The following PRR14L variants were observed in gnomAD, a reference collection of about 807,000 sequenced individuals.
PRR14L encodes the protein proline rich 14 like.
A neutral mutation model predicts 155.0 loss-of-function variants in PRR14L; 80 were observed. The ratio of observed to expected loss-of-function variants is 0.52; its 90% CI spans 0.43 to 0.62. The LOEUF is 0.62. PRR14L is among the 20% of genes least tolerant of loss of function. PRR14L has a pLI of 0.00. For missense variants in PRR14L, 2,469 were observed against 2,548.0 expected (o/e 0.97, Z 0.67); for synonymous variants, 883 against 916.0 (o/e 0.96, Z 0.65).
intron 1 of PRR14L, 121 bp from the exon 2 acceptor site, chr22:31,739,032 T>C (rs1259043638): frequency 5.6e-6 from 3 of 539,904 alleles, no homozygotes; most frequent in Non-Finnish European, 6.5e-6. Flanking sequence ...CAGCATTATC[T>C]GGCACCAAAA....
In PRR14L at chr22:31,714,870, T is replaced by C; in HGVS notation, c.2969A>G (p.Lys990Arg). 1.3e-6 allele frequency: 2 copies of C among 1,551,988 alleles called. No individual in the cohort carries two copies. Among genetic ancestry groups the C allele is most frequent in the Non-Finnish European group, 1.7e-6 (2 of 1,147,048 alleles). Residue 990 changes from lysine (K) to arginine (R), a missense_variant, in exon 4 of 9, where the codon AAG becomes AGG. Physicochemically the swap from Lys to Arg is conservative, Grantham distance 26. Transcript: ENST00000327423. Reference protein sequence around the residue: ...DECKSEGQSAKEMLSSDQRET... With the variant: ...DECKSEGQSAREMLSSDQRET... The stretch of plus-strand genomic sequence containing the variant: ...TCTCTGGTCACTACTTAGCATCTCC[T>C]TGGCTGACTGACCTTCACTTTTGCA...
chr22:31,714,511 C>G lies in PRR14L; in HGVS notation c.3328G>C (p.Gly1110Arg). The G allele has an allele frequency of 6.4e-7, 1 of 1,552,100 alleles. No individual in the cohort carries two copies. The highest frequency in any genetic ancestry group is 8.7e-7 in the Non-Finnish European group (1 of 1,147,090). Residue 1110 changes from glycine (G) to arginine (R), a missense_variant, in exon 4 of 9, where the codon GGT (glycine) becomes CGT (arginine). Coordinates refer to ENST00000327423, the MANE Select transcript of PRR14L (RefSeq NM_173566.3). Reference protein sequence around the residue: ...ELDAAHTGTTGQDSDFPVTAA... With the variant: ...ELDAAHTGTTRQDSDFPVTAA... ...GTAACTGGGAAATCTGAATCCTGAC[C>G]AGTTGTTCCTGTATGTGCAGCATCC... is the stretch of plus-strand genomic sequence containing the variant.
intron 7 of PRR14L, among the ~76,000 whole-genome samples, chr22:31,695,420 T>C (rs2074530810): frequency 6.6e-6 from 1 of 152,178 alleles, no homozygotes; most frequent in Non-Finnish European, 1.5e-5. Flanking sequence ...CAGTGATTAA[T>C]ATATGTTGGG....
intron 2 of PRR14L, among the ~76,000 whole-genome samples, chr22:31,733,625 C>T (rs5994426): frequency 1.1e-4 from 17 of 152,078 alleles, no homozygotes; most frequent in African/African-American, 3.9e-4. Flanking sequence ...TTAAAGTGTT[C>T]GGTGAACAGG....
intron 2 of PRR14L, 53 bp from the exon 3 acceptor site, chr22:31,725,663 T>C (rs1238242925): frequency 2.0e-6 from 2 of 1,005,624 alleles, no homozygotes; most frequent in East Asian, 2.6e-5. Flanking sequence ...TCTGAGTTAA[T>C]GAATATTATT....
chr22:31,747,389 G>A (rs1238417518), intron 1 of PRR14L, among the ~76,000 whole-genome samples: 1 of 144,134 alleles, frequency 6.9e-6, no homozygotes, highest in Non-Finnish European at 1.5e-5. Flanking sequence ...GCTGGGATTA[G>A]AGGCATGAGC....
At position 31,683,016 on chromosome 22, in the gene PRR14L, C is replaced by G. The variant is rs2074462611; in HGVS notation, c.*2511G>C. On this transcript the variant is annotated 3_prime_UTR_variant, in exon 9 of 9. Coordinates refer to ENST00000327423, the MANE Select transcript of PRR14L (RefSeq NM_173566.3). ...GTAATTTCAAGTTTGCAGTGGGGCC[C>G]CCTTCTCAACTTTGGAGCAGGGGAA... The G allele has an allele frequency of 1.3e-5, 2 of 152,172 alleles. No individual in the cohort carries two copies. 9.4% of individuals were successfully genotyped at this position (152,172 alleles called of 1,614,324 possible). A position where few individuals can be genotyped will look rare whatever the true frequency, so the allele number is the denominator to read the frequency against.
chr22:31,710,490 T>C (rs1168508803), intron 4 of PRR14L, among the ~76,000 whole-genome samples: 1 of 151,884 alleles, frequency 6.6e-6, no homozygotes, highest in African/African-American at 2.4e-5. Flanking sequence ...TCTCACTCTG[T>C]CGCCCAGGCT....
intron 2 of PRR14L, among the ~76,000 whole-genome samples, chr22:31,730,687 T>C (rs2074744550): frequency 6.6e-6 from 1 of 152,226 alleles, no homozygotes; most frequent in African/African-American, 2.4e-5. Context: ...TATGTAAATA[T>C]TTGTTTCCCA....
At chr22:31,732,122 C>A (rs1422246704) in intron 2 of PRR14L, among the ~76,000 whole-genome samples, 1 of 152,108 alleles carries the variant, frequency 6.6e-6, no homozygotes, top group Non-Finnish European at 1.5e-5. Flanking sequence ...CCCATGTGTA[C>A]TTGTGTATAG....
At chr22:31,690,289 T>A (rs1409497045) in intron 7 of PRR14L, among the ~76,000 whole-genome samples, 1 of 152,100 alleles carries the variant, frequency 6.6e-6, no homozygotes. Flanking sequence ...CCTCAGGTGA[T>A]CCACCCACCT....
chr22:31,695,104 C>T lies in PRR14L; in HGVS notation c.6107+6552G>A, dbSNP rs190220548. 1.2e-3 allele frequency among the ~76,000 whole-genome samples: 186 copies of T among 152,144 alleles called. 2 individuals carry two copies. The highest frequency in any genetic ancestry group is 0.01 in the Middle Eastern group (3 of 294). ...TCAAAACAAAACAAAACAAAAAAAC[C>T]TACAGTTATTTGTCAAGCAAATAAT... On this transcript the variant is annotated intron_variant, in intron 7 of 8. Coordinates refer to ENST00000327423, the MANE Select transcript of PRR14L (RefSeq NM_173566.3).
intron 2 of PRR14L, among the ~76,000 whole-genome samples, chr22:31,735,752 T>C (rs952701381): frequency 2.0e-5 from 3 of 151,732 alleles, no homozygotes; most frequent in African/African-American, 7.3e-5. Flanking sequence ...ACTGTATTTT[T>C]AAAAGATAGG....
At chr22:31,749,243 T>C (rs1253362683) in intron 1 of PRR14L, among the ~76,000 whole-genome samples, 1 of 152,096 alleles carries the variant, frequency 6.6e-6, no homozygotes, top group Non-Finnish European at 1.5e-5. Context: ...GACCCAGGTT[T>C]GCAACGATTA....
chr22:31,718,839 C>T (rs1351886123), intron 3 of PRR14L, among the ~76,000 whole-genome samples: 4 of 151,258 alleles, frequency 2.6e-5, no homozygotes, highest in Non-Finnish European at 5.9e-5. Flanking sequence ...TTTGGGAGGC[C>T]GAGGTGGATG....
At chr22:31,737,688 C>A (rs2074789796) in intron 2 of PRR14L, among the ~76,000 whole-genome samples, 1 of 151,656 alleles carries the variant, frequency 6.6e-6, no homozygotes, top group South Asian at 2.1e-4. Flanking sequence ...CACTATTAGT[C>A]TCAACTAACC....
intron 7 of PRR14L, among the ~76,000 whole-genome samples, chr22:31,695,329 T>C (rs956148830): frequency 2.6e-5 from 4 of 152,104 alleles, no homozygotes; most frequent in Admixed American, 6.6e-5. Context: ...TCACAAGGTG[T>C]TGGAGGAACA....
chr22:31,713,504 AT>A lies in PRR14L; in HGVS notation c.4334del (p.Asn1445MetfsTer5). ...KADKDESTMI[N>X]EITLAKLAKD... ...TGGCCAGCTTTGCTAGGGTGATTTC[AT>A]TGATCATGGTGGACTCATCTTTGTC... On this transcript the variant is annotated frameshift_variant, in exon 4 of 9. Transcript: ENST00000327423. LOFTEE classifies it high-confidence loss of function. 6.4e-7 allele frequency: 1 copy of A among 1,552,028 alleles called. No individual in the cohort carries two copies. Among genetic ancestry groups the A allele is most frequent in the Non-Finnish European group, 8.7e-7 (1 of 1,147,062 alleles).
rs2074631536 is a variant in PRR14L at position 31,712,864 on chromosome 22, G to A, written c.4975C>T (p.Leu1659Phe). Residue 1659 changes from leucine to phenylalanine, a missense_variant, in exon 4 of 9, where the codon CTC becomes TTC. By Grantham distance (22) the Leu-to-Phe change is conservative. Around this residue, in one of 2 missense-constraint regions of PRR14L, gnomAD observed 2,363 missense variants for 2,371.6 expected, o/e 1.00. Transcript: ENST00000327423. ...KSYKRLRYKR[L>F]LDGFSSSTEQ... ...GTGCTGGATGAAAATCCGTCCAGGA[G>A]TCTTTTATATCTGAGGCGCTTGTAG... is the stretch of plus-strand genomic sequence containing the variant. The A allele has an allele frequency of 6.4e-7, 1 of 1,551,962 alleles. No homozygotes were observed. The highest frequency in any genetic ancestry group is 1.2e-5 in the South Asian group (1 of 84,066).
Sources: gnomAD v4.1 joint callset for allele counts (sites outside exome capture counted in the v4.1 genomes callset) on GRCh38, gnomAD v4.1.1 for gene constraint, gnomAD v4.1.1 regional missense constraint, MANE v1.5 for transcripts, NCBI Gene and HGNC (gene_info 2026-07-23, HGNC 2026-07-21) for gene names.